Variants in CNTNAP2 observed in about 807,000 individuals in gnomAD.
CNTNAP2 encodes contactin-associated protein-like 2.
A neutral mutation model predicts 155.2 loss-of-function variants in CNTNAP2; 98 were observed. That is an observed-to-expected ratio of 0.63 (90% CI 0.54 to 0.75). The LOEUF is 0.75. Among genes scored for constraint, CNTNAP2 ranks in the 30% least tolerant of loss-of-function variants. The pLI, the probability that CNTNAP2 is intolerant of heterozygous loss-of-function variation, is 0.00. For synonymous variants in CNTNAP2, 651 were observed against 631.2 expected (o/e 1.03, Z -0.47); for missense variants, 1,727 against 1,688.1 (o/e 1.02, Z -0.40).
At chr7:146,431,185 G>A (rs1796168331) in intron 1 of CNTNAP2, among the ~76,000 whole-genome samples, 1 of 151,960 alleles carries the variant, frequency 6.6e-6, no homozygotes, top group African/African-American at 2.4e-5. Flanking sequence ...ATATATTCTA[G>A]TAAGGTTTGC....
In CNTNAP2 at chr7:147,245,167, T is replaced by C. The variant is rs1015916537; in HGVS notation, c.1349-54974T>C. Among the ~76,000 whole-genome samples, 31 of 152,200 alleles carry C rather than the reference T, an allele frequency of 2.0e-4. 1 individual carries two copies. Among genetic ancestry groups the C allele is most frequent in the Non-Finnish European group, 2.8e-4 (19 of 68,014 alleles). On this transcript the variant is annotated intron_variant, in intron 8 of 23. Transcript: ENST00000361727. ...GAAATTATATTGTTCTTTTTTGCCCTTGCTGGCCCTCAGAAGAGTATTAAT... is the reference window on the plus strand; with the variant it reads ...GAAATTATATTGTTCTTTTTTGCCCCTGCTGGCCCTCAGAAGAGTATTAAT...
At chr7:147,784,494 A>ATATAT (rs1704923618) in intron 13 of CNTNAP2, among the ~76,000 whole-genome samples, 5 of 45,022 alleles carry the variant, frequency 1.1e-4, no homozygotes, top group African/African-American at 2.3e-4. Flanking sequence ...GCTCTGGACT[A>ATATAT]ATATATATAT....
intron 3 of CNTNAP2, among the ~76,000 whole-genome samples, chr7:146,864,148 A>G (rs1422480548): frequency 6.6e-6 from 1 of 152,100 alleles, no homozygotes; most frequent in Non-Finnish European, 1.5e-5. Flanking sequence ...TTACCAAGAC[A>G]TAAAAATTAC....
chr7:147,388,744 C>T (rs540424312), intron 9 of CNTNAP2, among the ~76,000 whole-genome samples: 12 of 152,236 alleles, frequency 7.9e-5, no homozygotes, highest in Non-Finnish European at 1.5e-4. Flanking sequence ...CCACACTTGG[C>T]TAAGTTTTTG....
chr7:147,162,063 C>T (rs1281794416), intron 8 of CNTNAP2: 1 of 152,144 alleles, frequency 6.6e-6, no homozygotes, highest in Non-Finnish European at 1.5e-5. Context: ...GTGTCTTGTA[C>T]CCTTAAGGCA....
At chr7:147,455,568 CATT>C (rs987709093) in intron 10 of CNTNAP2, among the ~76,000 whole-genome samples, 2 of 152,012 alleles carry the variant, frequency 1.3e-5, no homozygotes, top group Admixed American at 6.6e-5. Flanking sequence ...GCTAGAATAA[CATT>C]ATGAGTAAAA....
At chr7:147,175,721 C>T (rs2116486914) in intron 8 of CNTNAP2, among the ~76,000 whole-genome samples, 1 of 152,268 alleles carries the variant, frequency 6.6e-6, no homozygotes, top group Non-Finnish European at 1.5e-5. Context: ...CTTCCTTGAG[C>T]TTCCTTGTGT....
intron 10 of CNTNAP2, among the ~76,000 whole-genome samples, chr7:147,412,529 T>C (rs1797122665): frequency 6.6e-6 from 1 of 152,190 alleles, no homozygotes; most frequent in South Asian, 2.1e-4. Flanking sequence ...TCTTCTAGAC[T>C]TTGAGCTTCC....
At chr7:148,123,696 GAA>G (rs1804654860) in intron 16 of CNTNAP2, among the ~76,000 whole-genome samples, 2 of 149,738 alleles carry the variant, frequency 1.3e-5, no homozygotes, top group South Asian at 2.1e-4. Flanking sequence ...AAAAGAAAGA[GAA>G]AGAGAGAAAC....
At position 147,869,928 on chromosome 7, in the gene CNTNAP2, A is replaced by T. The variant is rs568290001; in HGVS notation, c.2099-33637A>T. Among the ~76,000 whole-genome samples the T allele has an allele frequency of 1.4e-4, 21 of 152,292 alleles. No individual in the cohort carries two copies. The East Asian group carries it at 4.1e-3, about 29-fold the overall frequency. ...TATTTTTTAAGATCATCCAGTAAGT[A>T]TGTATTCAGCATCTAACCTGTACTA... On this transcript the variant is annotated intron_variant, in intron 13 of 23. Transcript: ENST00000361727.
At chr7:148,142,493 C>T (rs1033572332) in intron 16 of CNTNAP2, among the ~76,000 whole-genome samples, 2 of 152,142 alleles carry the variant, frequency 1.3e-5, no homozygotes, top group Non-Finnish European at 2.9e-5. Flanking sequence ...TTGTATGACT[C>T]AAATGAGATT....
chr7:147,186,553 T>G (rs1008770719), intron 8 of CNTNAP2, among the ~76,000 whole-genome samples: 4 of 152,236 alleles, frequency 2.6e-5, no homozygotes, highest in African/African-American at 7.2e-5. Flanking sequence ...ATTTGGACCC[T>G]TTATAGAGGG....
intron 13 of CNTNAP2, among the ~76,000 whole-genome samples, chr7:147,872,648 A>C (rs1321841488): frequency 6.6e-6 from 1 of 152,232 alleles, no homozygotes; most frequent in East Asian, 1.9e-4. Context: ...TTCAAAAAGA[A>C]AGTAAATCTT....
At chr7:147,218,093 G>T (rs1483471289) in intron 8 of CNTNAP2, among the ~76,000 whole-genome samples, 1 of 151,868 alleles carries the variant, frequency 6.6e-6, no homozygotes, top group Non-Finnish European at 1.5e-5. Context: ...AACAGCCTTT[G>T]GTTTCCTTGA....
At position 146,417,280 on chromosome 7, in the gene CNTNAP2, T is replaced by C. The variant is rs1046315731; in HGVS notation, c.97+300307T>C. 3.3e-5 allele frequency among the ~76,000 whole-genome samples: 5 copies of C among 152,310 alleles called. No homozygotes were observed. The South Asian group carries it at 1.0e-3, about 32-fold the overall frequency. ...TGAGACTTTATGTCAGTTTTCTACT[T>C]GAATTATAGTTATTTCACTAACTAG... On this transcript the variant is annotated intron_variant, in intron 1 of 23. Coordinates refer to ENST00000361727, the MANE Select transcript of CNTNAP2 (RefSeq NM_014141.6).
chr7:146,301,823 A>G (rs552229853), intron 1 of CNTNAP2, among the ~76,000 whole-genome samples: 2 of 152,254 alleles, frequency 1.3e-5, no homozygotes, highest in South Asian at 4.1e-4. Flanking sequence ...TGGGTGTGGA[A>G]GTAACCAAAG....
chr7:147,290,446 C>T (rs1367215240), intron 8 of CNTNAP2, among the ~76,000 whole-genome samples: 1 of 151,846 alleles, frequency 6.6e-6, no homozygotes, highest in Non-Finnish European at 1.5e-5. Context: ...TTTGGGAGGC[C>T]GAGGCGGGTG....
intron 1 of CNTNAP2, among the ~76,000 whole-genome samples, chr7:146,464,133 T>C (rs997181458): frequency 4.0e-5 from 6 of 151,218 alleles, no homozygotes; most frequent in Non-Finnish European, 8.8e-5. Context: ...AGTTCGTTAA[T>C]GAACCATCTC....
chr7:147,127,906 T>A (rs1351820982), intron 6 of CNTNAP2, among the ~76,000 whole-genome samples: 1 of 152,182 alleles, frequency 6.6e-6, no homozygotes, highest in Non-Finnish European at 1.5e-5. Context: ...ATAGTAAATA[T>A]CATCCTTGAC....
Sources: allele counts gnomAD v4.1 joint callset (sites outside exome capture counted in the v4.1 genomes callset), GRCh38; gene constraint gnomAD v4.1.1; transcripts MANE v1.5; gene names NCBI Gene and HGNC (gene_info 2026-07-23, HGNC 2026-07-21).